The following AAK1 variants were observed in gnomAD, a reference collection of about 807,000 sequenced individuals.
AAK1 encodes the protein AP2 associated kinase 1.
A neutral mutation model predicts 116.0 loss-of-function variants in AAK1; 37 were observed. That is an observed-to-expected ratio of 0.32 (90% CI 0.25 to 0.42). AAK1 has a LOEUF of 0.42. AAK1 is among the 10% of genes least tolerant of loss of function. The pLI is 1.00. For synonymous variants in AAK1, 458 were observed against 439.9 expected, an observed-to-expected ratio of 1.04 and a Z score of -0.51; for missense variants, 919 against 1,170.6, an observed-to-expected ratio of 0.79 and a Z score of 3.14.
At chr2:69,543,917 AC>A (rs1670824727) in intron 4 of AAK1, among the ~76,000 whole-genome samples, 1 of 152,210 alleles carries the variant, frequency 6.6e-6, no homozygotes, top group Non-Finnish European at 1.5e-5. Context: ...ACTTTACTCC[AC>A]TGTTAACAGC....
chr2:69,482,573 G>T, intron 18 of AAK1, 138 bp downstream of exon 18: 1 of 761,284 alleles, frequency 1.3e-6, no homozygotes, highest in Non-Finnish European at 2.4e-6. Flanking sequence ...CATTTGGAGT[G>T]ATACAAGTGA....
At position 69,643,108 on chromosome 2, in the gene AAK1, TTA is replaced by T; in HGVS notation, c.-70_-69del. The T allele has an allele frequency of 6.9e-7, 1 of 1,440,174 alleles. No individual in the cohort carries two copies. The highest frequency in any genetic ancestry group is 1.5e-5 in the South Asian group (1 of 67,044). 89.2% of individuals were successfully genotyped at this position (1,440,174 alleles called of 1,614,324 possible). A position where few individuals can be genotyped will look rare whatever the true frequency, so the allele number is the denominator to read the frequency against. On this transcript the variant is annotated 5_prime_UTR_variant, in exon 2 of 22. Coordinates refer to ENST00000409085, the MANE Select transcript of AAK1 (RefSeq NM_014911.5). ...AGATTTTTTTTTTTTTTTTTTTTTTTTAAGAAAAGAGATCCAAGGATTTCTTC... is the reference window on the plus strand; with the variant it reads ...AGATTTTTTTTTTTTTTTTTTTTTTTAGAAAAGAGATCCAAGGATTTCTTC...
intron 2 of AAK1, among the ~76,000 whole-genome samples, chr2:69,637,866 C>CT (rs1675519483): frequency 6.6e-6 from 1 of 152,180 alleles, no homozygotes. Context: ...CCCTCATACC[C>CT]TCCCACTCAA....
chr2:69,467,795 A>C lies in AAK1; in HGVS notation c.*8074T>G. The C allele has an allele frequency of 4.1e-6, 4 of 985,442 alleles. No homozygotes were observed. Among genetic ancestry groups the C allele is most frequent in the Non-Finnish European group, 4.8e-6 (4 of 829,922 alleles). 61.0% of individuals were successfully genotyped at this position (985,442 alleles called of 1,614,324 possible). ...ACAGACCACAGCAGAAGAGGCATTA[A>C]AATCAGTTTATTGGGAAACCAGTCA... is the stretch of plus-strand genomic sequence containing the variant. On this transcript the variant is annotated 3_prime_UTR_variant, in exon 22 of 22. Coordinates refer to ENST00000409085, the MANE Select transcript of AAK1 (RefSeq NM_014911.5).
intron 2 of AAK1, among the ~76,000 whole-genome samples, chr2:69,577,593 C>T (rs1369236445): frequency 6.6e-6 from 1 of 152,194 alleles, no homozygotes; most frequent in African/African-American, 2.4e-5. Flanking sequence ...GAGATCATTT[C>T]CCAGACCAGG....
chr2:69,636,848 C>CT (rs1559022708), intron 2 of AAK1, among the ~76,000 whole-genome samples: 1 of 151,946 alleles, frequency 6.6e-6, no homozygotes, highest in African/African-American at 2.4e-5. Flanking sequence ...TACAGGTAGC[C>CT]GCCACCACGC....
At chr2:69,614,119 CCA>C (rs1275829015) in intron 2 of AAK1, among the ~76,000 whole-genome samples, 1 of 152,156 alleles carries the variant, frequency 6.6e-6, no homozygotes, top group Non-Finnish European at 1.5e-5. Flanking sequence ...CTTTTGAGCA[CCA>C]CTATCAGGTG....
chr2:69,603,492 T>A (rs1334256344), intron 2 of AAK1, among the ~76,000 whole-genome samples: 3 of 152,118 alleles, frequency 2.0e-5, no homozygotes, highest in African/African-American at 7.2e-5. Context: ...TCCCTTTCCA[T>A]GATCTTCCCC....
At chr2:69,495,237 C>T (rs955723903) in intron 17 of AAK1, among the ~76,000 whole-genome samples, 6 of 152,146 alleles carry the variant, frequency 3.9e-5, no homozygotes, top group Non-Finnish European at 5.9e-5. Context: ...GAAGGAAGGC[C>T]GGAAGGAAAA....
chr2:69,514,843 G>T (rs890451426), intron 12 of AAK1, 94 bp from the exon 13 acceptor site: 6 of 1,388,836 alleles, frequency 4.3e-6, no homozygotes, highest in Middle Eastern at 1.9e-4. Context: ...CAGTGCTAAA[G>T]CCAAAGGCAA....
chr2:69,596,916 T>C (rs1673320670), intron 2 of AAK1, among the ~76,000 whole-genome samples: 1 of 151,998 alleles, frequency 6.6e-6, no homozygotes. Flanking sequence ...GTTTTTGCCA[T>C]GGTGGTGGGG....
chr2:69,620,289 T>C (rs1374904614), intron 2 of AAK1, among the ~76,000 whole-genome samples: 1 of 152,166 alleles, frequency 6.6e-6, no homozygotes, highest in Non-Finnish European at 1.5e-5. Context: ...GACTACTCCA[T>C]TCCCTCCTGT....
At chr2:69,498,258 T>C (rs1001743209) in intron 16 of AAK1, among the ~76,000 whole-genome samples, 5 of 152,194 alleles carry the variant, frequency 3.3e-5, no homozygotes, top group Non-Finnish European at 5.9e-5. Flanking sequence ...AACAGGCTTG[T>C]GGAGGAGTCA....
rs1674807333 is a variant in AAK1, at chr2:69,475,160, G to A, written c.*709C>T. 1 of 985,756 alleles carries A rather than the reference G, an allele frequency of 1.0e-6. No homozygotes were observed. Among genetic ancestry groups the A allele is most frequent in the African/African-American group, 1.7e-5 (1 of 57,228 alleles). The allele number at this position is 985,756 out of a possible 1,614,324, so 61.1% of individuals were successfully genotyped here. A position where few individuals can be genotyped will look rare whatever the true frequency, so the allele number is the denominator to read the frequency against. ...TACTTGCAGTCACGTCTCCAGATCTGAGAAATCACGGTTCAATGGAAGCCA... is the reference window on the plus strand; with the variant it reads ...TACTTGCAGTCACGTCTCCAGATCTAAGAAATCACGGTTCAATGGAAGCCA... On this transcript the variant is annotated 3_prime_UTR_variant, in exon 22 of 22. Coordinates refer to ENST00000409085, the MANE Select transcript of AAK1 (RefSeq NM_014911.5).
chr2:69,525,666 A>C (rs1358685143), intron 9 of AAK1, among the ~76,000 whole-genome samples: 2 of 152,148 alleles, frequency 1.3e-5, no homozygotes, highest in Non-Finnish European at 1.5e-5. Context: ...AGCCAAGGAG[A>C]GTTCCTCTGG....
At chr2:69,511,658 T>C (rs6760776) in intron 13 of AAK1, among the ~76,000 whole-genome samples, 32,251 of 152,122 alleles carry the variant, frequency 0.21, 3,840 homozygotes, top group African/African-American at 0.28. Context: ...AAGAGTCCAG[T>C]GACAACTCTA....
chr2:69,598,364 T>G (rs1474952468), intron 2 of AAK1: 1 of 327,996 alleles, frequency 3.0e-6, no homozygotes, highest in Non-Finnish European at 5.9e-6. Context: ...TGCAGTGTGT[T>G]GGGTTATAAA....
At chr2:69,531,282 T>C (rs1467749716) in intron 6 of AAK1, among the ~76,000 whole-genome samples, 1 of 152,228 alleles carries the variant, frequency 6.6e-6, no homozygotes, top group East Asian at 1.9e-4. Flanking sequence ...ATGTGATTTA[T>C]GATGCTTTAG....
At chr2:69,539,626 A>G (rs1670620068) in intron 5 of AAK1, among the ~76,000 whole-genome samples, 1 of 152,240 alleles carries the variant, frequency 6.6e-6, no homozygotes, top group African/African-American at 2.4e-5. Context: ...AAAGGCAACT[A>G]GGAGTAGTGT....
Sources: allele counts gnomAD v4.1 joint callset (sites outside exome capture counted in the v4.1 genomes callset), GRCh38; gene constraint gnomAD v4.1.1; transcripts MANE v1.5; gene names NCBI Gene and HGNC (gene_info 2026-07-23, HGNC 2026-07-21).